Variants in GRID1 observed in about 807,000 individuals in gnomAD.
The protein encoded by GRID1 is glutamate ionotropic receptor delta type subunit 1.
Under a neutral mutation model 98.0 loss-of-function variants are expected in GRID1, and 28 were observed. The ratio of observed to expected loss-of-function variants is 0.29; its 90% CI spans 0.21 to 0.39. The LOEUF is 0.39. Among genes scored for constraint, GRID1 ranks in the 10% least tolerant of loss-of-function variants. GRID1 has a pLI of 1.00. For synonymous variants in GRID1, 553 were observed against 538.5 expected (o/e 1.03, Z -0.37); for missense variants, 1,111 against 1,340.5 (o/e 0.83, Z 2.67).
At chr10:85,925,653 A>G (rs1178198391) in intron 4 of GRID1, among the ~76,000 whole-genome samples, 2 of 152,202 alleles carry the variant, frequency 1.3e-5, no homozygotes, top group African/African-American at 4.8e-5. Flanking sequence ...GCATCCAAAG[A>G]CCAACTCCAG....
chr10:85,895,857 G>T (rs1307738928), intron 5 of GRID1, among the ~76,000 whole-genome samples: 1 of 152,134 alleles, frequency 6.6e-6, no homozygotes, highest in Non-Finnish European at 1.5e-5. Flanking sequence ...AAAATGCTCA[G>T]CCACAAGGAG....
At chr10:85,891,741 T>C (rs1475994476) in intron 5 of GRID1, among the ~76,000 whole-genome samples, 1 of 152,144 alleles carries the variant, frequency 6.6e-6, no homozygotes, top group Non-Finnish European at 1.5e-5. Context: ...AATTCAGCTG[T>C]GTCCCAAGGA....
intron 4 of GRID1, among the ~76,000 whole-genome samples, chr10:86,076,403 T>A (rs891475356): frequency 6.6e-6 from 1 of 152,234 alleles, no homozygotes; most frequent in Non-Finnish European, 1.5e-5. Context: ...CTGGGGTACC[T>A]GAAGCTCGGC....
chr10:85,699,695 G>C (rs1841431054), intron 12 of GRID1, among the ~76,000 whole-genome samples: 1 of 152,020 alleles, frequency 6.6e-6, no homozygotes, highest in Non-Finnish European at 1.5e-5. Flanking sequence ...GAGATAATTG[G>C]AAGGAATTCT....
intron 8 of GRID1, among the ~76,000 whole-genome samples, chr10:85,737,317 C>T (rs1054981046): frequency 6.6e-6 from 1 of 152,000 alleles, no homozygotes; most frequent in Non-Finnish European, 1.5e-5. Flanking sequence ...TTTTGAAAAA[C>T]CTTTAGCAAG....
chr10:85,660,424 T>G (rs1489801426), intron 12 of GRID1, among the ~76,000 whole-genome samples: 2 of 152,176 alleles, frequency 1.3e-5, no homozygotes, highest in Admixed American at 1.3e-4. Context: ...TGTTGGAAAG[T>G]ACACAGATGG....
At chr10:86,241,413 C>G (rs2814335) in intron 2 of GRID1, among the ~76,000 whole-genome samples, 123,591 of 151,568 alleles carry the variant, frequency 0.82, 50,848 homozygotes, top group African/African-American at 0.86. Flanking sequence ...ACAGGGGGGC[C>G]CCCTACAGCC....
At chr10:86,172,208 T>C (rs976732355) in intron 3 of GRID1, among the ~76,000 whole-genome samples, 1 of 152,234 alleles carries the variant, frequency 6.6e-6, no homozygotes, top group Non-Finnish European at 1.5e-5. Flanking sequence ...TCTGTGTCTA[T>C]GGATTCAGCT....
intron 5 of GRID1, among the ~76,000 whole-genome samples, chr10:85,871,146 A>T (rs563829814): frequency 1.4e-4 from 22 of 152,304 alleles, no homozygotes; most frequent in African/African-American, 5.3e-4. Context: ...TAAATAAAAA[A>T]TGCATTTAAT....
chr10:86,074,747 T>C (rs1452705018), intron 4 of GRID1, among the ~76,000 whole-genome samples: 2 of 152,210 alleles, frequency 1.3e-5, no homozygotes, highest in African/African-American at 4.8e-5. Flanking sequence ...TGAAGAGCAC[T>C]CTGATGGAAA....
At chr10:85,638,961 GACTT>G (rs1196790949) in intron 13 of GRID1, among the ~76,000 whole-genome samples, 1 of 152,162 alleles carries the variant, frequency 6.6e-6, no homozygotes, top group Non-Finnish European at 1.5e-5. Context: ...CAGCAACTGA[GACTT>G]ACAAGTATAT....
chr10:86,255,843 C>T (rs1846909504), intron 2 of GRID1, among the ~76,000 whole-genome samples: 1 of 152,088 alleles, frequency 6.6e-6, no homozygotes, highest in African/African-American at 2.4e-5. Flanking sequence ...CTGGGCTGCC[C>T]AGCTCCACAC....
intron 2 of GRID1, among the ~76,000 whole-genome samples, chr10:86,354,263 G>A (rs1335027841): frequency 6.6e-6 from 1 of 152,268 alleles, no homozygotes; most frequent in Non-Finnish European, 1.5e-5. Flanking sequence ...CAGGCAGCAA[G>A]GCCGGTGTCT....
intron 12 of GRID1, among the ~76,000 whole-genome samples, chr10:85,719,261 T>A (rs1339979349): frequency 6.6e-6 from 1 of 152,206 alleles, no homozygotes; most frequent in Admixed American, 6.5e-5. Context: ...CACATTTTTC[T>A]GTCTTCTTCT....
intron 4 of GRID1, among the ~76,000 whole-genome samples, chr10:86,060,513 T>G (rs1589356547): frequency 6.6e-6 from 1 of 152,210 alleles, no homozygotes. Context: ...CAGGGAGGCC[T>G]TGGAGGCTGA....
intron 10 of GRID1, among the ~76,000 whole-genome samples, chr10:85,725,016 A>G (rs1335498301): frequency 6.6e-6 from 1 of 151,772 alleles, no homozygotes; most frequent in African/African-American, 2.4e-5. Context: ...TATTTTCCCT[A>G]TGTTTCCCTC....
intron 3 of GRID1, among the ~76,000 whole-genome samples, chr10:86,191,252 C>A (rs768659309): frequency 6.6e-6 from 1 of 152,124 alleles, no homozygotes. Flanking sequence ...AGAGAAGGGA[C>A]AGCCCACCTG....
intron 12 of GRID1, among the ~76,000 whole-genome samples, chr10:85,710,152 C>T (rs1246750089): frequency 6.6e-6 from 1 of 151,954 alleles, no homozygotes; most frequent in Non-Finnish European, 1.5e-5. Flanking sequence ...TTTCAAGGGA[C>T]CCCCAAATAG....
At chr10:86,204,119 G>C (rs1337893700) in intron 3 of GRID1, among the ~76,000 whole-genome samples, 4 of 152,250 alleles carry the variant, frequency 2.6e-5, no homozygotes, top group African/African-American at 9.6e-5. Context: ...GAAGAGGGGT[G>C]GGGGAGTGTG....
Sources: gnomAD v4.1 joint callset for allele counts (sites outside exome capture counted in the v4.1 genomes callset) on GRCh38, gnomAD v4.1.1 for gene constraint, MANE v1.5 for transcripts, NCBI Gene and HGNC (gene_info 2026-07-23, HGNC 2026-07-21) for gene names.